TCERG1L: variants seen among roughly 807,000 people sequenced by gnomAD.
The protein encoded by TCERG1L is transcription elongation regulator 1-like protein.
TCERG1L carries 37 observed loss-of-function variants against 56.3 expected under a neutral mutation model. The ratio of observed to expected loss-of-function variants is 0.66; its 90% confidence interval spans 0.51 to 0.87. TCERG1L has a LOEUF of 0.87. Among genes scored for constraint, TCERG1L ranks in the 40% least tolerant of loss-of-function variants. The pLI, the probability that TCERG1L is intolerant of heterozygous loss-of-function variation, is 0.00. For synonymous variants in TCERG1L, 324 were observed against 326.3 expected (o/e 0.99, Z 0.08); for missense variants, 799 against 774.2 (o/e 1.03, Z -0.38).
chr10:131,175,185 C>T (rs1352956733), intron 4 of TCERG1L, among the ~76,000 whole-genome samples: 1 of 149,790 alleles, frequency 6.7e-6, no homozygotes, highest in East Asian at 2.0e-4. Flanking sequence ...CTGACAGAGG[C>T]CAGCTCCAGG....
chr10:131,253,704 G>A (rs757555779), intron 4 of TCERG1L, among the ~76,000 whole-genome samples: 5 of 152,162 alleles, frequency 3.3e-5, no homozygotes, highest in Non-Finnish European at 7.3e-5. Context: ...AGAGAACACA[G>A]AGAACTGTCG....
intron 4 of TCERG1L, among the ~76,000 whole-genome samples, chr10:131,196,383 G>A (rs1589744011): frequency 2.0e-5 from 3 of 152,304 alleles, no homozygotes; most frequent in South Asian, 4.1e-4. Flanking sequence ...GGTGGTGGGC[G>A]TGTTGGTTCC....
intron 3 of TCERG1L, among the ~76,000 whole-genome samples, chr10:131,264,003 G>A (rs1846259128): frequency 6.6e-6 from 1 of 152,174 alleles, no homozygotes; most frequent in Non-Finnish European, 1.5e-5. Context: ...CCAAACCCCA[G>A]GAACCACTGG....
chr10:131,293,751 G>A (rs1846659559), intron 3 of TCERG1L, among the ~76,000 whole-genome samples: 1 of 152,188 alleles, frequency 6.6e-6, no homozygotes, highest in South Asian at 2.1e-4. Context: ...TAACTGTTAA[G>A]CCACATTTCA....
intron 3 of TCERG1L, among the ~76,000 whole-genome samples, chr10:131,274,075 T>C (rs1017653312): frequency 4.3e-4 from 66 of 152,200 alleles, no homozygotes; most frequent in African/African-American, 1.5e-3. Context: ...CGCCGTCGAA[T>C]GTCTGCTCAG....
chr10:131,309,362 A>G, intron 1 of TCERG1L, 63 bp from the exon 2 acceptor site: 1 of 1,542,432 alleles, frequency 6.5e-7, no homozygotes, highest in Non-Finnish European at 8.7e-7. Flanking sequence ...ACTTCATGCC[A>G]AAACATGCTG....
intron 3 of TCERG1L, among the ~76,000 whole-genome samples, chr10:131,266,352 C>T (rs1187447465): frequency 6.6e-6 from 1 of 152,174 alleles, no homozygotes; most frequent in African/African-American, 2.4e-5. Context: ...ATATTTTGTC[C>T]TCTTCCTATG....
rs1277393805 is a variant in TCERG1L, at chr10:131,118,424, A to G, written c.1260-1490T>C. The stretch of plus-strand genomic sequence containing the variant: ...CTGGGCCACAGTCTCCCCAAGCTCC[A>G]CTGAACTTCTCAGTAGGCCTAGGAT... On this transcript the variant is annotated intron_variant, in intron 8 of 11. Transcript: ENST00000368642. The surrounding 1 kb of genome is among the most constrained non-coding windows in gnomAD (Gnocchi z 4.2). 6.6e-6 allele frequency among the ~76,000 whole-genome samples: 1 copy of G among 152,136 alleles called. No homozygotes were observed. The highest frequency in any genetic ancestry group is 1.5e-5 in the Non-Finnish European group (1 of 68,024).
At chr10:131,217,999 CCGG>C (rs1845689811) in intron 4 of TCERG1L, among the ~76,000 whole-genome samples, 1 of 152,132 alleles carries the variant, frequency 6.6e-6, no homozygotes, top group Non-Finnish European at 1.5e-5. Flanking sequence ...GCTGGGATTA[CCGG>C]CGTGAGCCAA....
At chr10:131,199,637 C>G (rs187337078) in intron 4 of TCERG1L, among the ~76,000 whole-genome samples, 1 of 152,222 alleles carries the variant, frequency 6.6e-6, no homozygotes, top group Admixed American at 6.5e-5. Context: ...ACAGCAGTCA[C>G]GTCACACCCC....
chr10:131,277,969 A>G (rs902338412), intron 3 of TCERG1L, among the ~76,000 whole-genome samples: 1 of 152,074 alleles, frequency 6.6e-6, no homozygotes, highest in African/African-American at 2.4e-5. Context: ...TTCATTCCGC[A>G]TGTGGGGAGC....
At chr10:131,249,069 C>T (rs1846075758) in intron 4 of TCERG1L, among the ~76,000 whole-genome samples, 1 of 152,238 alleles carries the variant, frequency 6.6e-6, no homozygotes, top group South Asian at 2.1e-4. Flanking sequence ...CTCACGCTCA[C>T]TTGTAAACAG....
intron 4 of TCERG1L, among the ~76,000 whole-genome samples, chr10:131,214,394 C>T (rs1845647627): frequency 6.6e-6 from 1 of 152,230 alleles, no homozygotes; most frequent in South Asian, 2.1e-4. Context: ...GCCACTCTCA[C>T]AGCCGTCTCT....
chr10:131,296,460 A>G lies in TCERG1L; in HGVS notation c.670+11751T>C, dbSNP rs573902828. 7.2e-5 allele frequency among the ~76,000 whole-genome samples: 11 copies of G among 152,314 alleles called. 1 individual carries two copies. The South Asian group carries it at 2.3e-3, about 32-fold the overall frequency. Reference sequence around the variant, plus strand: ...GCATGTGTCTACTTTTGGATGGTCTACTACGATGTTCTATTGGTCTTTATT... The same window carrying G: ...GCATGTGTCTACTTTTGGATGGTCTGCTACGATGTTCTATTGGTCTTTATT... On this transcript the variant is annotated intron_variant, in intron 3 of 11. Coordinates refer to ENST00000368642, the MANE Select transcript of TCERG1L (RefSeq NM_174937.4).
intron 4 of TCERG1L, among the ~76,000 whole-genome samples, chr10:131,209,830 A>G (rs141917614): frequency 6.6e-6 from 1 of 152,346 alleles, no homozygotes; most frequent in African/African-American, 2.4e-5. Context: ...CTTAAAGAAG[A>G]CTTTGTAATA....
At chr10:131,203,770 G>T (rs1365248184) in intron 4 of TCERG1L, among the ~76,000 whole-genome samples, 1 of 152,274 alleles carries the variant, frequency 6.6e-6, no homozygotes, top group East Asian at 1.9e-4. Context: ...GCTAGCCCTG[G>T]GGGCAGCCTG....
intron 4 of TCERG1L, among the ~76,000 whole-genome samples, chr10:131,195,040 T>G (rs961163484): frequency 6.6e-6 from 1 of 152,220 alleles, no homozygotes; most frequent in Non-Finnish European, 1.5e-5. Flanking sequence ...ACCCTTTTAG[T>G]GCCCATGGAC....
At chr10:131,241,471 C>T (rs539620749) in intron 4 of TCERG1L, among the ~76,000 whole-genome samples, 39 of 151,062 alleles carry the variant, frequency 2.6e-4, no homozygotes, top group East Asian at 5.9e-4. Flanking sequence ...ATCGTCCATA[C>T]GCAACATGAA....
chr10:131,238,579 C>T (rs1845939122), intron 4 of TCERG1L, among the ~76,000 whole-genome samples: 3 of 152,210 alleles, frequency 2.0e-5, no homozygotes, highest in Non-Finnish European at 4.4e-5. Flanking sequence ...TATGTGCTTT[C>T]CTATTGGGAA....
Sources: gnomAD v4.1 joint callset for allele counts (sites outside exome capture counted in the v4.1 genomes callset) on GRCh38, gnomAD v4.1.1 for gene constraint, Gnocchi (gnomAD v3.1) non-coding constraint, MANE v1.5 for transcripts, NCBI Gene and HGNC (gene_info 2026-07-23, HGNC 2026-07-21) for gene names.